Variants in DYNC2H1 observed in about 807,000 individuals in gnomAD.
The protein encoded by DYNC2H1 is cytoplasmic dynein 2 heavy chain 1.
Under a neutral mutation model 570.0 loss-of-function variants are expected in DYNC2H1, and 410 were observed. The ratio of observed to expected loss-of-function variants is 0.72; its 90% CI spans 0.66 to 0.78. DYNC2H1 has a LOEUF of 0.78. Ranked by LOEUF, DYNC2H1 falls within the 30% of genes least tolerant of loss-of-function variation. DYNC2H1 has a pLI of 0.00. For synonymous variants in DYNC2H1, 1,688 were observed against 1,677.6 expected, an observed-to-expected ratio of 1.01 and a Z score of -0.15; for missense variants, 4,865 against 5,046.4, an observed-to-expected ratio of 0.96 and a Z score of 1.09.
At chr11:103,225,093 G>A (rs999968872) in intron 59 of DYNC2H1, among the ~76,000 whole-genome samples, 1 of 151,960 alleles carries the variant, frequency 6.6e-6, no homozygotes, top group East Asian at 1.9e-4. Flanking sequence ...CTTTTTGATG[G>A]AGTCGTTTGT....
chr11:103,193,717 A>AT lies in DYNC2H1; in HGVS notation c.7708+1463dup, dbSNP rs551176172. On this transcript the variant is annotated intron_variant, in intron 47 of 88. Transcript: ENST00000375735. The stretch of plus-strand genomic sequence containing the variant: ...TGCCACCACGCCCGACTAATTTTGT[A>AT]TTTTTTTTTTAGTAGAGACAGGGCT... Among the ~76,000 whole-genome samples, 21 of 146,402 alleles carry AT rather than the reference A, an allele frequency of 1.4e-4. No individual in the cohort carries two copies. In the South Asian group the frequency reaches 2.4e-3, roughly 17 times the overall value.
At chr11:103,422,540 C>T (rs770504489) in intron 84 of DYNC2H1, among the ~76,000 whole-genome samples, 8 of 151,914 alleles carry the variant, frequency 5.3e-5, no homozygotes, top group Non-Finnish European at 1.0e-4. Context: ...TCAACATATG[C>T]GAATCAATAG....
intron 31 of DYNC2H1, among the ~76,000 whole-genome samples, chr11:103,167,265 A>ATT (rs1188767892): frequency 6.9e-6 from 1 of 144,086 alleles, no homozygotes; most frequent in Non-Finnish European, 1.5e-5. Context: ...GCTTTAAAGT[A>ATT]TTTTTTTTTT....
intron 74 of DYNC2H1, 41 bp from the exon 75 acceptor site, chr11:103,287,492 G>A: frequency 3.3e-6 from 5 of 1,499,308 alleles, no homozygotes; most frequent in East Asian, 2.3e-5. Flanking sequence ...AGTAGTTGCA[G>A]CAACTTTATT....
At chr11:103,142,480 G>A (rs757647969) in intron 17 of DYNC2H1, among the ~76,000 whole-genome samples, 9 of 152,070 alleles carry the variant, frequency 5.9e-5, no homozygotes, top group Non-Finnish European at 8.8e-5. Flanking sequence ...GACCAGCCTC[G>A]TCAACATGGC....
Position 103,472,371 on chromosome 11 carries a change from A to G in DYNC2H1, c.12765+3666A>G, listed in dbSNP as rs1216439828. ...AAGACCCCATCTTTATTAAATAAAAAAAGAATTAAAAAAATTTTTTTTAAA... is the reference window on the plus strand; with the variant it reads ...AAGACCCCATCTTTATTAAATAAAAGAAGAATTAAAAAAATTTTTTTTAAA... On this transcript the variant is annotated intron_variant, in intron 88 of 88. Coordinates refer to ENST00000375735, the MANE Select transcript of DYNC2H1 (RefSeq NM_001377.3). The surrounding 1 kb of genome is among the most constrained non-coding windows in gnomAD (Gnocchi z 4.1). Among the ~76,000 whole-genome samples the G allele has an allele frequency of 4.4e-5, 1 of 22,898 alleles. No homozygotes were observed. Among genetic ancestry groups the G allele is most frequent in the Non-Finnish European group, 1.1e-4 (1 of 8,704 alleles). 15.0% of individuals were successfully genotyped at this position (22,898 alleles called of 152,430 possible). A position where few individuals can be genotyped will look rare whatever the true frequency, so the allele number is the denominator to read the frequency against.
chr11:103,459,977 A>G (rs1226463771), intron 87 of DYNC2H1, among the ~76,000 whole-genome samples: 4 of 151,634 alleles, frequency 2.6e-5, no homozygotes, highest in Non-Finnish European at 4.4e-5. Context: ...AAGAAAAAAA[A>G]AAAAAAGCTG....
intron 75 of DYNC2H1, among the ~76,000 whole-genome samples, chr11:103,293,017 T>G (rs1866676621): frequency 6.6e-6 from 1 of 152,252 alleles, no homozygotes; most frequent in African/African-American, 2.4e-5. Context: ...TATACTTACT[T>G]TTACCAGTGA....
chr11:103,359,654 CT>C (rs113915005), intron 83 of DYNC2H1, among the ~76,000 whole-genome samples: 75,239 of 139,050 alleles, frequency 0.54, 21,894 homozygotes, highest in Non-Finnish European at 0.66. Context: ...CCCTCATTTA[CT>C]TTTTTTTTTT....
chr11:103,142,421 G>T (rs962721159), intron 17 of DYNC2H1, among the ~76,000 whole-genome samples: 25 of 152,254 alleles, frequency 1.6e-4, no homozygotes, highest in African/African-American at 5.8e-4. Context: ...TGTAATCCTG[G>T]CACTTTGGGA....
chr11:103,241,608 T>G lies in DYNC2H1; in HGVS notation c.9820-2085T>G. ...TGTAGTTAGGCAAAATGCAGAATTG[T>G]GAAATGTGTGCTATTGAATGCTAGC... On this transcript the variant is annotated intron_variant, in intron 63 of 88. Transcript: ENST00000375735. The surrounding 1 kb of genome is among the most constrained non-coding windows in gnomAD (Gnocchi z 5.1). The G allele has an allele frequency of 7.3e-7, 1 of 1,375,112 alleles. No homozygotes were observed. The highest frequency in any genetic ancestry group is 1.0e-6 in the Non-Finnish European group (1 of 990,610). 85.2% of individuals were successfully genotyped at this position (1,375,112 alleles called of 1,614,324 possible). A position where few individuals can be genotyped will look rare whatever the true frequency, so the allele number is the denominator to read the frequency against.
chr11:103,259,987 A>G lies in DYNC2H1; in HGVS notation c.10695+10A>G. 1 of 1,451,220 alleles carries G rather than the reference A, an allele frequency of 6.9e-7. No homozygotes were observed. Among genetic ancestry groups the G allele is most frequent in the Non-Finnish European group, 9.3e-7 (1 of 1,075,342 alleles). 89.9% of individuals were successfully genotyped at this position (1,451,220 alleles called of 1,614,324 possible). ...TCGTTGTCTATTTAAGGTAAGAAGC[A>G]TCATATTTTTCAAATATAAAATACT... On this transcript the variant is annotated intron_variant, in intron 70 of 88. Coordinates refer to ENST00000375735, the MANE Select transcript of DYNC2H1 (RefSeq NM_001377.3).
At chr11:103,460,430 A>G (rs1358458742) in intron 87 of DYNC2H1, among the ~76,000 whole-genome samples, 1 of 144,760 alleles carries the variant, frequency 6.9e-6, no homozygotes. Context: ...AAAGTCGTGC[A>G]CAACCAGAAA....
intron 75 of DYNC2H1, among the ~76,000 whole-genome samples, chr11:103,301,196 G>A (rs1228545831): frequency 6.6e-6 from 1 of 151,834 alleles, no homozygotes; most frequent in Non-Finnish European, 1.5e-5. Flanking sequence ...CAGTTTTAAT[G>A]TATGGCTATC....
intron 83 of DYNC2H1, among the ~76,000 whole-genome samples, chr11:103,359,511 C>T (rs895159357): frequency 2.0e-5 from 3 of 152,064 alleles, no homozygotes; most frequent in Admixed American, 2.0e-4. Context: ...CTTTGTAATT[C>T]TGAGAAAACT....
chr11:103,385,471 G>C (rs1389821614), intron 83 of DYNC2H1, among the ~76,000 whole-genome samples: 1 of 151,842 alleles, frequency 6.6e-6, no homozygotes, highest in Non-Finnish European at 1.5e-5. Flanking sequence ...GTGTTTCTGT[G>C]TAAAAAACCC....
intron 82 of DYNC2H1, among the ~76,000 whole-genome samples, chr11:103,353,642 C>T (rs560560192): frequency 4.6e-5 from 7 of 151,948 alleles, no homozygotes; most frequent in Non-Finnish European, 1.0e-4. Flanking sequence ...CCCTGTAATA[C>T]TTTTTGCTTT....
intron 45 of DYNC2H1, 133 bp from the exon 46 acceptor site, chr11:103,191,384 C>T: frequency 1.6e-6 from 1 of 633,890 alleles, no homozygotes; most frequent in Non-Finnish European, 2.7e-6. Context: ...ATAATGAAGT[C>T]ATTTATATTG....
chr11:103,399,138 G>GTTT (rs34549261), intron 83 of DYNC2H1, among the ~76,000 whole-genome samples: 3,389 of 113,556 alleles, frequency 0.03, 411 homozygotes, highest in African/African-American at 0.057. Context: ...TTCCCACACC[G>GTTT]TTTTTTTTTT....
Sources: allele counts gnomAD v4.1 joint callset (sites outside exome capture counted in the v4.1 genomes callset), GRCh38; gene constraint gnomAD v4.1.1; non-coding constraint Gnocchi (gnomAD v3.1); transcripts MANE v1.5; gene names NCBI Gene and HGNC (gene_info 2026-07-23, HGNC 2026-07-21).